Variants in DCC observed in about 807,000 individuals in gnomAD.
DCC encodes netrin receptor DCC.
A neutral mutation model predicts 172.5 loss-of-function variants in DCC; 58 were observed. That is an observed-to-expected ratio of 0.34 (90% CI 0.27 to 0.42). The LOEUF is 0.42. Among genes scored for constraint, DCC ranks in the 10% least tolerant of loss-of-function variants. DCC has a pLI of 1.00. For missense variants in DCC, 1,740 were observed against 1,791.0 expected, an observed-to-expected ratio of 0.97 and a Z score of 0.51; for synonymous variants, 709 against 644.5, an observed-to-expected ratio of 1.10 and a Z score of -1.52.
chr18:52,740,022 C>T (rs2036794626), intron 1 of DCC, among the ~76,000 whole-genome samples: 2 of 152,072 alleles, frequency 1.3e-5, no homozygotes, highest in Admixed American at 6.6e-5. Context: ...TGCAGTAAGC[C>T]CTTTTAAGTA....
intron 3 of DCC, among the ~76,000 whole-genome samples, chr18:52,920,833 C>A (rs2145480696): frequency 6.6e-6 from 1 of 152,102 alleles, no homozygotes; most frequent in South Asian, 2.1e-4. Flanking sequence ...TGGATTATTA[C>A]CCAGCAATAA....
intron 1 of DCC, among the ~76,000 whole-genome samples, chr18:52,433,302 T>C (rs540722961): frequency 6.6e-6 from 1 of 152,316 alleles, no homozygotes; most frequent in East Asian, 1.9e-4. Flanking sequence ...TTTATATTTG[T>C]TTACAGTACT....
intron 12 of DCC, among the ~76,000 whole-genome samples, chr18:53,259,658 T>G (rs1372262852): frequency 1.3e-5 from 2 of 152,192 alleles, no homozygotes; most frequent in African/African-American, 4.8e-5. Context: ...TTCCTTCATT[T>G]CAACTTTGGT....
rs200436966 is a variant in DCC, at chr18:53,215,567, G to T, written c.1881G>T (p.Gln627His). The T allele has an allele frequency of 1.9e-6, 3 of 1,613,876 alleles. No individual in the cohort carries two copies. In the African/African-American group the frequency reaches 4.0e-5, roughly 22 times the overall value. The change falls in exon 12 of 29, where the codon CAG (glutamine) becomes CAT (histidine). Residue 627 changes from glutamine to histidine, a missense_variant. By Grantham distance (24) the Gln-to-His change is conservative. Coordinates refer to ENST00000442544, the MANE Select transcript of DCC (RefSeq NM_005215.4). Reference sequence around the variant, plus strand: ...TTTTAGTGCCAAGTGCCCCGCCTCAGAACGTCTCCCTGGAAGTGGTCAATT... The same window carrying T: ...TTTTAGTGCCAAGTGCCCCGCCTCATAACGTCTCCCTGGAAGTGGTCAATT... ...TLSDVPSAPP[Q>H]NVSLEVVNSR...
At chr18:53,275,985 T>C (rs886728955) in intron 12 of DCC, among the ~76,000 whole-genome samples, 2 of 152,086 alleles carry the variant, frequency 1.3e-5, no homozygotes, top group Non-Finnish European at 2.9e-5. Flanking sequence ...CTCTCATAAA[T>C]ATAAAATGAA....
intron 1 of DCC, among the ~76,000 whole-genome samples, chr18:52,617,615 T>C (rs1419998172): frequency 6.6e-6 from 1 of 152,164 alleles, no homozygotes; most frequent in Non-Finnish European, 1.5e-5. Flanking sequence ...TTTTTATATG[T>C]TTCTCTTCTC....
intron 5 of DCC, among the ~76,000 whole-genome samples, chr18:53,003,472 A>C (rs1025242920): frequency 4.6e-5 from 7 of 152,032 alleles, no homozygotes; most frequent in African/African-American, 1.5e-4. Context: ...CTCTCTCATC[A>C]TCTGTGTGCT....
chr18:53,329,315 A>AT (rs1480522614), intron 14 of DCC, among the ~76,000 whole-genome samples: 2 of 152,048 alleles, frequency 1.3e-5, no homozygotes, highest in Admixed American at 1.3e-4. Flanking sequence ...AATTCATAAC[A>AT]TTTTATTACA....
chr18:53,385,021 C>CTTTTTTTTTTTT (rs35779527), intron 15 of DCC, among the ~76,000 whole-genome samples: 8 of 131,008 alleles, frequency 6.1e-5, no homozygotes, highest in South Asian at 2.4e-4. Flanking sequence ...TAATTTTTTT[C>CTTTTTTTTTTTT]TTTTTTTTTT....
At chr18:53,341,902 T>C (rs918469779) in intron 15 of DCC, among the ~76,000 whole-genome samples, 7 of 152,136 alleles carry the variant, frequency 4.6e-5, no homozygotes, top group African/African-American at 1.7e-4. Context: ...TTTATAACTT[T>C]TTTTAATTTT....
chr18:52,881,224 T>C (rs747227148), intron 2 of DCC, among the ~76,000 whole-genome samples: 72 of 152,280 alleles, frequency 4.7e-4, no homozygotes, highest in Non-Finnish European at 7.5e-4. Flanking sequence ...TCCTATAAGA[T>C]GTTTAAGCTC....
At chr18:53,487,469 T>A (rs566928582) in intron 26 of DCC, among the ~76,000 whole-genome samples, 9 of 151,488 alleles carry the variant, frequency 5.9e-5, no homozygotes, top group East Asian at 5.8e-4. Flanking sequence ...AAGGTAGGAA[T>A]GAAAAGAGAC....
chr18:52,705,802 C>A (rs7240951), intron 1 of DCC, among the ~76,000 whole-genome samples: 8,959 of 152,116 alleles, frequency 0.059, 855 homozygotes, highest in African/African-American at 0.2. Context: ...ACTTTAAAAG[C>A]GTTTGTTGAA....
At chr18:52,832,437 G>T (rs1326709276) in intron 2 of DCC, among the ~76,000 whole-genome samples, 2 of 47,786 alleles carry the variant, frequency 4.2e-5, no homozygotes, top group Non-Finnish European at 4.4e-5. Context: ...AACTCTGCAT[G>T]TACCTGTGCA....
intron 12 of DCC, among the ~76,000 whole-genome samples, chr18:53,283,050 T>A (rs578236089): frequency 1.9e-3 from 284 of 152,284 alleles, no homozygotes; most frequent in African/African-American, 6.6e-3. Flanking sequence ...AATCAGTAAG[T>A]CAGCACTGAC....
chr18:52,867,460 G>C (rs573890693), intron 2 of DCC, among the ~76,000 whole-genome samples: 2 of 151,608 alleles, frequency 1.3e-5, no homozygotes, highest in South Asian at 4.2e-4. Flanking sequence ...AATGGTACCA[G>C]CTCCTCTTTT....
At chr18:53,179,843 T>G (rs527432967) in intron 9 of DCC, among the ~76,000 whole-genome samples, 2 of 152,346 alleles carry the variant, frequency 1.3e-5, no homozygotes, top group South Asian at 4.1e-4. Context: ...TGATGAGTCA[T>G]TCGCCAAATT....
At chr18:52,526,653 T>C (rs1052492100) in intron 1 of DCC, among the ~76,000 whole-genome samples, 1 of 152,200 alleles carries the variant, frequency 6.6e-6, no homozygotes, top group Non-Finnish European at 1.5e-5. Flanking sequence ...TGAGGTAATT[T>C]GTGTGAACAT....
intron 2 of DCC, among the ~76,000 whole-genome samples, chr18:52,801,245 C>T (rs78054033): frequency 0.043 from 6,570 of 152,214 alleles, 221 homozygotes; most frequent in South Asian, 0.16. Context: ...TAGAATTTGC[C>T]ACAGCTTCTA....
Sources: allele counts gnomAD v4.1 joint callset (sites outside exome capture counted in the v4.1 genomes callset), GRCh38; gene constraint gnomAD v4.1.1; transcripts MANE v1.5; gene names NCBI Gene and HGNC (gene_info 2026-07-23, HGNC 2026-07-21).